Variants in NT5DC3 observed in about 807,000 individuals in gnomAD.
NT5DC3 encodes the protein 5'-nucleotidase domain-containing protein 3.
A neutral mutation model predicts 67.8 loss-of-function variants in NT5DC3; 42 were observed. The observed-to-expected ratio is 0.62, with a 90% CI of 0.48 to 0.80. NT5DC3 has a LOEUF of 0.80. Ranked by LOEUF, NT5DC3 falls within the 30% of genes least tolerant of loss-of-function variation. The probability of loss-of-function intolerance (pLI) is 0.00; values close to 1 mark genes in which losing one functional copy is unlikely to be tolerated. For synonymous variants in NT5DC3, 237 were observed against 255.6 expected (o/e 0.93, Z 0.69); for missense variants, 570 against 696.4 (o/e 0.82, Z 2.04).
intron 1 of NT5DC3, among the ~76,000 whole-genome samples, chr12:103,828,655 C>T (rs1887791690): frequency 6.6e-6 from 1 of 152,082 alleles, no homozygotes; most frequent in South Asian, 2.1e-4. Flanking sequence ...ATTACCACTA[C>T]CCAGATTTCG....
At chr12:103,840,885 C>T (rs112761586) in intron 1 of NT5DC3, 64 bp downstream of exon 1, 4 of 1,046,454 alleles carry the variant, frequency 3.8e-6, no homozygotes, top group African/African-American at 1.7e-5. Context: ...CTAGGGCGCC[C>T]GCTTCCCAGC....
intron 2 of NT5DC3, among the ~76,000 whole-genome samples, chr12:103,814,632 C>G (rs1012453625): frequency 6.6e-6 from 1 of 152,132 alleles, no homozygotes; most frequent in Admixed American, 6.5e-5. Flanking sequence ...GGCAGGCTGC[C>G]AATTCATCAA....
intron 13 of NT5DC3, 93 bp from the exon 14 acceptor site, chr12:103,778,174 A>G: frequency 6.8e-6 from 9 of 1,330,550 alleles, no homozygotes; most frequent in South Asian, 1.5e-5. Context: ...TTTTTTTAAA[A>G]AAAAAAAATA....
rs72379630 is a variant in NT5DC3, at chr12:103,799,804, C to CA, written c.525-1128dup. The stretch of plus-strand genomic sequence containing the variant: ...AAATGAATCCACCTCCTCCACATAC[C>CA]AAAAAAAAAAAAAGATTTGTGAAGT... On this transcript the variant is annotated intron_variant, in intron 4 of 13. Coordinates refer to ENST00000392876, the MANE Select transcript of NT5DC3 (RefSeq NM_001031701.3). 3.0e-3 allele frequency among the ~76,000 whole-genome samples: 395 copies of CA among 131,556 alleles called. 5 individuals are homozygous for CA. The highest frequency in any genetic ancestry group is 4.1e-3 in the Non-Finnish European group (258 of 63,098). The allele number at this position is 131,556 out of a possible 152,430, so 86.3% of individuals were successfully genotyped here. A position where few individuals can be genotyped will look rare whatever the true frequency, so the allele number is the denominator to read the frequency against.
chr12:103,754,921 G>A, the NT5DC3 span, among the ~76,000 whole-genome samples: 8 of 151,066 alleles, frequency 5.3e-5, no homozygotes, highest in Admixed American at 6.6e-5. Flanking sequence ...CCTTTAGCCT[G>A]GGTGACAGAG....
intron 1 of NT5DC3, among the ~76,000 whole-genome samples, chr12:103,831,979 G>A (rs1219331990): frequency 6.6e-6 from 1 of 151,748 alleles, no homozygotes; most frequent in Non-Finnish European, 1.5e-5. Context: ...GTTTCACCAT[G>A]TTGCCCAGGC....
chr12:103,815,370 G>A (rs893268894), intron 1 of NT5DC3, among the ~76,000 whole-genome samples: 3 of 152,124 alleles, frequency 2.0e-5, no homozygotes, highest in Non-Finnish European at 2.9e-5. Context: ...CACTGCTAAT[G>A]GGCACAGAAT....
intron 12 of NT5DC3, among the ~76,000 whole-genome samples, chr12:103,780,972 A>G (rs941531490): frequency 8.6e-6 from 1 of 115,986 alleles, no homozygotes. Flanking sequence ...TGTTTAATTT[A>G]AAAAAACAAT....
At chr12:103,800,049 T>C (rs1196389749) in intron 4 of NT5DC3, among the ~76,000 whole-genome samples, 1 of 152,174 alleles carries the variant, frequency 6.6e-6, no homozygotes, top group Admixed American at 6.5e-5. Flanking sequence ...AACAGGAGTA[T>C]AAATAATTCA....
intron 5 of NT5DC3, among the ~76,000 whole-genome samples, chr12:103,798,214 T>C (rs1425172594): frequency 2.0e-5 from 3 of 151,884 alleles, no homozygotes; most frequent in Non-Finnish European, 2.9e-5. Flanking sequence ...TCCCTGAAGG[T>C]AAAAAGGGTG....
At chr12:103,793,641 G>A in intron 7 of NT5DC3, 129 bp from the exon 8 acceptor site, 1 of 678,084 alleles carries the variant, frequency 1.5e-6, no homozygotes, top group South Asian at 1.8e-5. Context: ...CCCTAAGGAA[G>A]AAGCTTTGTC....
the NT5DC3 span, chr12:103,753,465 G>C: frequency 7.0e-7 from 1 of 1,424,688 alleles, no homozygotes; most frequent in African/African-American, 1.4e-5. Context: ...AGGGAGTGCA[G>C]GTAGCTCCTG....
chr12:103,750,898 C>T, the NT5DC3 span, among the ~76,000 whole-genome samples: 2 of 152,338 alleles, frequency 1.3e-5, no homozygotes, highest in Admixed American at 1.3e-4. Flanking sequence ...GGAGACCAGC[C>T]CGGCCAACAT....
chr12:103,761,346 T>C, the NT5DC3 span: 1 of 1,614,080 alleles, frequency 6.2e-7, no homozygotes, highest in Middle Eastern at 1.7e-4. Flanking sequence ...CAGTGGGACA[T>C]CTTTGCCTCC....
At chr12:103,831,675 C>G (rs1887932684) in intron 1 of NT5DC3, among the ~76,000 whole-genome samples, 2 of 151,962 alleles carry the variant, frequency 1.3e-5, no homozygotes, top group African/African-American at 4.8e-5. Flanking sequence ...AATGCCTAGT[C>G]TTCCCTCCCA....
chr12:103,782,392 T>TA (rs2139307372), intron 12 of NT5DC3, among the ~76,000 whole-genome samples: 2 of 152,182 alleles, frequency 1.3e-5, no homozygotes, highest in South Asian at 2.1e-4. Flanking sequence ...AAGAATTTCC[T>TA]AACATGTAAA....
At chr12:103,792,093 C>G (rs1302229500) in intron 9 of NT5DC3, among the ~76,000 whole-genome samples, 1 of 152,204 alleles carries the variant, frequency 6.6e-6, no homozygotes, top group African/African-American at 2.4e-5. Flanking sequence ...CCAGCCCCAT[C>G]ATGGGACGGT....
chr12:103,808,301 C>T (rs558813611), intron 2 of NT5DC3, among the ~76,000 whole-genome samples: 114 of 152,352 alleles, frequency 7.5e-4, no homozygotes, highest in African/African-American at 2.2e-3. Context: ...CTGCTCTCCC[C>T]ACTGCCCCTC....
chr12:103,781,758 A>G (rs1277261803), intron 12 of NT5DC3, among the ~76,000 whole-genome samples: 2 of 152,230 alleles, frequency 1.3e-5, no homozygotes, highest in Non-Finnish European at 2.9e-5. Context: ...GCTATCATTA[A>G]TCTTTCAAGT....
Sources: allele counts gnomAD v4.1 joint callset (sites outside exome capture counted in the v4.1 genomes callset), GRCh38; gene constraint gnomAD v4.1.1; transcripts MANE v1.5; gene names NCBI Gene and HGNC (gene_info 2026-07-23, HGNC 2026-07-21).